Variants in DENND6B observed in about 807,000 individuals in gnomAD.
DENND6B encodes the protein protein DENND6B.
A neutral mutation model predicts 85.1 loss-of-function variants in DENND6B; 73 were observed. The ratio of observed to expected loss-of-function variants is 0.86; its 90% CI spans 0.71 to 1.04. The LOEUF (loss-of-function observed/expected upper bound fraction) is 1.04, where lower values mean the gene tolerates loss of function less well. DENND6B is among the 50% of genes least tolerant of loss of function. The pLI is 0.00. For synonymous variants in DENND6B, 357 were observed against 329.3 expected (o/e 1.08, Z -0.91); for missense variants, 715 against 785.8 (o/e 0.91, Z 1.08).
At chr22:50,315,091 C>T (rs1220298604) in intron 9 of DENND6B, 170 bp from the exon 10 acceptor site, 3 of 1,009,742 alleles carry the variant, frequency 3.0e-6, no homozygotes, top group Admixed American at 5.3e-5. Context: ...ATCATGACGA[C>T]CCCAAGCTGT....
intron 13 of DENND6B, 74 bp downstream of exon 13, chr22:50,314,133 C>T: frequency 6.7e-7 from 1 of 1,499,980 alleles, no homozygotes; most frequent in South Asian, 1.3e-5. Flanking sequence ...CTGGCTGCCC[C>T]ACCCGAGAGA....
In DENND6B at chr22:50,326,883, C is replaced by A; in HGVS notation, c.106G>T (p.Ala36Ser). ...RAARTPAAPWARFSAWLECVC... is the reference protein window; with the variant it reads ...RAARTPAAPWSRFSAWLECVC... ...CACTCCAGCCAGGCGGAGAAGCGCG[C>A]CCAGGGCGCCGCCGGGGTCCGCGCC... The change falls in exon 1 of 20, where the codon GCG becomes TCG. Residue 36 changes from alanine (A) to serine (S), a missense_variant. Transcript: ENST00000413817. 7.1e-7 allele frequency: 1 copy of A among 1,416,222 alleles called. No homozygotes were observed. The allele number at this position is 1,416,222 out of a possible 1,614,324, so 87.7% of individuals were successfully genotyped here.
chr22:50,313,047 C>A lies in DENND6B; in HGVS notation c.1409G>T (p.Gly470Val). The part of the protein sequence containing the change: ...DDFLRSLEHA[G>V]PQLTCILKGD... Reference sequence around the variant, plus strand: ...CTTGAGGATGCAGGTGAGCTGGGGCCCAGCATGCTCCAGGCTACGCAGGAA... The same window carrying A: ...CTTGAGGATGCAGGTGAGCTGGGGCACAGCATGCTCCAGGCTACGCAGGAA... Residue 470 changes from glycine to valine, a missense_variant, in exon 17 of 20, where the codon GGG becomes GTG. Gly to Val is a moderately radical substitution (Grantham distance 109, BLOSUM62 -3). Coordinates refer to ENST00000413817, the MANE Select transcript of DENND6B (RefSeq NM_001001794.4). 1 of 1,562,484 alleles carries A rather than the reference C, an allele frequency of 6.4e-7. No homozygotes were observed. Among genetic ancestry groups the A allele is most frequent in the Non-Finnish European group, 8.7e-7 (1 of 1,154,222 alleles).
At chr22:50,315,436 T>C (rs1317503296) in intron 9 of DENND6B, among the ~76,000 whole-genome samples, 1 of 152,166 alleles carries the variant, frequency 6.6e-6, no homozygotes, top group Admixed American at 6.5e-5. Flanking sequence ...ACTGTGCCTA[T>C]TTCCACTGGC....
rs1388391304 is a variant in DENND6B at position 50,319,046 on chromosome 22, G to A, written c.178-43C>T. Reference sequence around the variant, plus strand: ...GTGCTTGGTGACACCATCTGTCCGAGGAGGCGACACCCCTCGACAGCATCT... The same window carrying A: ...GTGCTTGGTGACACCATCTGTCCGAAGAGGCGACACCCCTCGACAGCATCT... On this transcript the variant is annotated intron_variant, in intron 1 of 19. Transcript: ENST00000413817. 3.8e-6 allele frequency: 6 copies of A among 1,565,600 alleles called. No homozygotes were observed. The African/African-American group carries it at 4.1e-5, about 11-fold the overall frequency.
chr22:50,326,721 CG>C (rs982605386), intron 1 of DENND6B, 90 bp downstream of exon 1: 2 of 1,165,216 alleles, frequency 1.7e-6, no homozygotes, highest in Admixed American at 4.4e-5. Flanking sequence ...AGGGAGAGTG[CG>C]GGGCGGCCGA....
At chr22:50,321,942 G>A (rs1390069281) in intron 1 of DENND6B, among the ~76,000 whole-genome samples, 9 of 151,942 alleles carry the variant, frequency 5.9e-5, no homozygotes, top group Non-Finnish European at 1.3e-4. Flanking sequence ...TCAAACTCCT[G>A]GACTCAGCCT....
chr22:50,314,640 G>C lies in DENND6B; in HGVS notation c.942C>G (p.Ser314Arg). 1 of 1,567,296 alleles carries C rather than the reference G, an allele frequency of 6.4e-7. No individual in the cohort carries two copies. Among genetic ancestry groups the C allele is most frequent in the Non-Finnish European group, 8.6e-7 (1 of 1,156,520 alleles). The change falls in exon 11 of 20, where the codon AGC (serine) becomes AGG (arginine). Residue 314 changes from serine (S) to arginine (R), a missense_variant. Transcript: ENST00000413817. ...DFRPYFTIHD[S>R]EFKEFTTRTQ... ...TGCGTGTGGTGAACTCCTTGAACTC[G>C]CTGTCATGGATGGTGAAGTAGGGAC...
intron 16 of DENND6B, 128 bp from the exon 17 acceptor site, chr22:50,313,236 C>T: frequency 1.7e-6 from 2 of 1,173,954 alleles, no homozygotes; most frequent in Non-Finnish European, 2.4e-6. Flanking sequence ...GCACAGATCC[C>T]AGGACAGCCT....
chr22:50,321,007 G>C (rs2042025623), intron 1 of DENND6B, among the ~76,000 whole-genome samples: 1 of 152,192 alleles, frequency 6.6e-6, no homozygotes, highest in South Asian at 2.1e-4. Context: ...AAATGGAGCT[G>C]ATCTTCAGGG....
In DENND6B at chr22:50,317,916, C is replaced by T; in HGVS notation, c.364G>A (p.Ala122Thr). Residue 122 changes from alanine (A) to threonine (T), a missense_variant, in exon 4 of 20, where the codon GCA becomes ACA. Transcript: ENST00000413817. ...CGCAGCCCAGTGCTCACCTGCAGTG[C>T]CACAGGGGCCCTGCTGTTGTAGTGC... ...DRHYNSRAPV[A>T]LQREPAHYFG... 6.2e-7 allele frequency: 1 copy of T among 1,607,806 alleles called. No individual in the cohort carries two copies. The highest frequency in any genetic ancestry group is 8.5e-7 in the Non-Finnish European group (1 of 1,179,292).
At chr22:50,318,048 G>A (rs2041912823) in intron 3 of DENND6B, 28 bp from the exon 4 acceptor site, 1 of 1,608,158 alleles carries the variant, frequency 6.2e-7, no homozygotes, top group African/African-American at 1.3e-5. Flanking sequence ...CACCACACGG[G>A]TCAAGGCCGG....
rs2042206622 is a variant in DENND6B at position 50,326,941 on chromosome 22, C to G, written c.48G>C (p.Leu16=). 7.7e-7 allele frequency: 1 copy of G among 1,290,716 alleles called. No homozygotes were observed. Among genetic ancestry groups the G allele is most frequent in the East Asian group, 3.2e-5 (1 of 30,788 alleles). 80.0% of individuals were successfully genotyped at this position (1,290,716 alleles called of 1,614,324 possible). The change falls in exon 1 of 20, where the codon CTG becomes CTC. Residue 16 remains leucine (L), a synonymous_variant. Coordinates refer to ENST00000413817, the MANE Select transcript of DENND6B (RefSeq NM_001001794.4). The part of the protein sequence containing the change: ...GTGPRRARGC[L]GAAGPTSSGR... ...CTGAAGACGTGGGTCCAGCCGCGCC[C>G]AGGCAGCCGCGAGCCCGGCGAGGCC...
rs1310804878 is a variant in DENND6B at position 50,312,426 on chromosome 22, C to G, written c.1561-9G>C. 1.2e-6 allele frequency: 2 copies of G among 1,609,070 alleles called. No homozygotes were observed. Among genetic ancestry groups the G allele is most frequent in the South Asian group, 2.2e-5 (2 of 90,252 alleles). Reference sequence around the variant, plus strand: ...ATCCAGGTCTCGATGTTCTGCAGGGCAAGACGGGGTCTACTGTCAGCAAGG... The same window carrying G: ...ATCCAGGTCTCGATGTTCTGCAGGGGAAGACGGGGTCTACTGTCAGCAAGG... On this transcript the variant is annotated splice_polypyrimidine_tract_variant and intron_variant, in intron 18 of 19. Coordinates refer to ENST00000413817, the MANE Select transcript of DENND6B (RefSeq NM_001001794.4).
chr22:50,324,670 C>T (rs1569210711), intron 1 of DENND6B, among the ~76,000 whole-genome samples: 1 of 151,988 alleles, frequency 6.6e-6, no homozygotes, highest in Non-Finnish European at 1.5e-5. Context: ...GTGATCTGTC[C>T]GCCTCGGCCT....
At chr22:50,321,809 G>A (rs907984822) in intron 1 of DENND6B, among the ~76,000 whole-genome samples, 21 of 152,212 alleles carry the variant, frequency 1.4e-4, no homozygotes, top group African/African-American at 5.1e-4. Context: ...TGGGACTACA[G>A]GCGTGCGCCC....
rs1229818880 is a variant in DENND6B, at chr22:50,327,012, G to A, written c.-24C>T. ...ATGGCGGCGGCCGCGGGTTGCCGGG[G>A]AAACGCGGGCGGGGGCGGCGCGCGT... On this transcript the variant is annotated 5_prime_UTR_variant, in exon 1 of 20. Transcript: ENST00000413817. 2 of 1,164,280 alleles carry A rather than the reference G, an allele frequency of 1.7e-6. No homozygotes were observed. Among genetic ancestry groups the A allele is most frequent in the Admixed American group, 4.7e-5 (1 of 21,186 alleles). 72.1% of individuals were successfully genotyped at this position (1,164,280 alleles called of 1,614,324 possible).
chr22:50,315,941 A>C, intron 8 of DENND6B, 84 bp downstream of exon 8: 3 of 1,598,396 alleles, frequency 1.9e-6, no homozygotes, highest in Non-Finnish European at 2.6e-6. Context: ...CCAAGGAAGC[A>C]GGTGTGGGAC....
rs772241822 is a variant in DENND6B at position 50,312,411 on chromosome 22, C to T, written c.1567G>A (p.Glu523Lys). The T allele has an allele frequency of 1.1e-5, 18 of 1,610,720 alleles. No homozygotes were observed. Among genetic ancestry groups the T allele is most frequent in the Admixed American group, 8.4e-5 (5 of 59,736 alleles). The part of the protein sequence containing the change: ...HLEAICEANI[E>K]TWMKDKSEVE... ...TCGGACTTGTCTTTCATCCAGGTCT[C>T]GATGTTCTGCAGGGCAAGACGGGGT... The change falls in exon 19 of 20, where the codon GAG (glutamate) becomes AAG (lysine). Residue 523 changes from glutamate (E) to lysine (K), a missense_variant. Glu to Lys is a moderately conservative substitution (Grantham distance 56, BLOSUM62 1). Coordinates refer to ENST00000413817, the MANE Select transcript of DENND6B (RefSeq NM_001001794.4).
Sources: gnomAD v4.1 joint callset for allele counts (sites outside exome capture counted in the v4.1 genomes callset) on GRCh38, gnomAD v4.1.1 for gene constraint, MANE v1.5 for transcripts, NCBI Gene and HGNC (gene_info 2026-07-23, HGNC 2026-07-21) for gene names.